ASAP2: variants seen among roughly 807,000 people sequenced by gnomAD.
ASAP2 encodes ArfGAP with SH3 domain, ankyrin repeat and PH domain 2.
In ASAP2, 45 loss-of-function variants were observed where a neutral mutation model predicts 131.4. The ratio of observed to expected loss-of-function variants is 0.34; its 90% CI spans 0.27 to 0.44. The LOEUF (loss-of-function observed/expected upper bound fraction) is 0.44. Among genes scored for constraint, ASAP2 ranks in the 20% least tolerant of loss-of-function variants. The pLI is 1.00. For synonymous variants in ASAP2, 510 were observed against 503.0 expected (o/e 1.01, Z -0.19); for missense variants, 1,011 against 1,297.0 (o/e 0.78, Z 3.39).
At chr2:9,318,083 T>A (rs1669919061) in intron 3 of ASAP2, among the ~76,000 whole-genome samples, 1 of 152,148 alleles carries the variant, frequency 6.6e-6, no homozygotes, top group African/African-American at 2.4e-5. Flanking sequence ...TTTCCCCTGC[T>A]TGGAGCTTGC....
chr2:9,376,832 C>T (rs765494183), intron 17 of ASAP2, 76 bp from the exon 18 acceptor site: 13 of 1,313,624 alleles, frequency 9.9e-6, no homozygotes, highest in Non-Finnish European at 1.4e-5. Context: ...AAGAGTTGTA[C>T]ACGATTTCAC....
chr2:9,393,489 G>A lies in ASAP2; in HGVS notation c.2526G>A (p.Leu842=), dbSNP rs775088308. The change falls in exon 24 of 28, where the codon CTG becomes CTA. Residue 842 remains leucine, a synonymous_variant. Transcript: ENST00000281419. ...PPLRVTSTNP[L]TPTPPPPVAK... ...TCTCCCTGTCCTCCGCAGATCCCCT[G>A]ACCCCCACGCCGCCCCCACCCGTTG... 2 of 1,605,706 alleles carry A rather than the reference G, an allele frequency of 1.2e-6. No individual in the cohort carries two copies. Among genetic ancestry groups the A allele is most frequent in the African/African-American group, 2.7e-5 (2 of 74,730 alleles).
chr2:9,393,649 T>C lies in ASAP2; in HGVS notation c.2684+2T>C. ...CCCGCAGAAGAAGCCTGCGCCGGGG[T>C]AAGCCACCCCCAGCCAGCTCGGCCA... On this transcript the variant is annotated splice_donor_variant, in intron 24 of 27. Coordinates refer to ENST00000281419, the MANE Select transcript of ASAP2 (RefSeq NM_003887.3). LOFTEE classifies it high-confidence loss of function. The C allele has an allele frequency of 6.4e-7, 1 of 1,564,884 alleles. No homozygotes were observed. The highest frequency in any genetic ancestry group is 8.6e-7 in the Non-Finnish European group (1 of 1,159,734).
intron 1 of ASAP2, among the ~76,000 whole-genome samples, chr2:9,225,313 C>T (rs1269208962): frequency 6.6e-6 from 1 of 152,104 alleles, no homozygotes; most frequent in Non-Finnish European, 1.5e-5. Flanking sequence ...CTCAGCTAGG[C>T]CAGAATACTG....
chr2:9,217,025 A>AT lies in ASAP2; in HGVS notation c.126+9795_126+9796insT, dbSNP rs1662100811. 6.6e-6 allele frequency among the ~76,000 whole-genome samples: 1 copy of AT among 152,212 alleles called. No homozygotes were observed. The highest frequency in any genetic ancestry group is 1.5e-5 in the Non-Finnish European group (1 of 68,024). ...AAATGCTATAGGGGCCAGCAAAATT[A>AT]GGCCACGGTACCAAGTTCATGGAGC... is the stretch of plus-strand genomic sequence containing the variant. On this transcript the variant is annotated intron_variant, in intron 1 of 27. Transcript: ENST00000281419. The surrounding 1 kb of genome is among the most constrained non-coding windows in gnomAD (Gnocchi z 4.0).
chr2:9,391,337 C>A, intron 23 of ASAP2, 141 bp downstream of exon 23: 1 of 1,228,006 alleles, frequency 8.1e-7, no homozygotes, highest in Non-Finnish European at 1.1e-6. Flanking sequence ...GGCTCTTGTG[C>A]AGGGCTCTCA....
chr2:9,363,981 A>G (rs1002448315), intron 15 of ASAP2, among the ~76,000 whole-genome samples: 1 of 152,220 alleles, frequency 6.6e-6, no homozygotes, highest in African/African-American at 2.4e-5. Context: ...TAATATCTTT[A>G]GATTCTAAAG....
At chr2:9,302,425 C>T (rs868247522) in intron 3 of ASAP2, among the ~76,000 whole-genome samples, 32 of 151,294 alleles carry the variant, frequency 2.1e-4, no homozygotes, top group Middle Eastern at 6.9e-3. Context: ...CCCACCTCGG[C>T]CTCCCAAAGT....
At chr2:9,371,441 G>A (rs1411640917) in intron 16 of ASAP2, among the ~76,000 whole-genome samples, 2 of 152,186 alleles carry the variant, frequency 1.3e-5, no homozygotes, top group African/African-American at 2.4e-5. Flanking sequence ...ATGAATCAGC[G>A]AGTCAAACAA....
intron 7 of ASAP2, among the ~76,000 whole-genome samples, chr2:9,333,173 T>A (rs1472778850): frequency 1.3e-5 from 2 of 152,230 alleles, no homozygotes; most frequent in South Asian, 2.1e-4. Context: ...GAAACCCAGA[T>A]CACTTTTTAA....
intron 15 of ASAP2, among the ~76,000 whole-genome samples, chr2:9,365,775 C>T (rs1396326909): frequency 1.3e-5 from 2 of 152,232 alleles, no homozygotes; most frequent in East Asian, 3.9e-4. Context: ...TTCTTATTGA[C>T]TCATCGCTAC....
chr2:9,322,762 AG>A (rs1278394091), intron 5 of ASAP2, among the ~76,000 whole-genome samples: 8 of 152,156 alleles, frequency 5.3e-5, no homozygotes, highest in Non-Finnish European at 7.3e-5. Flanking sequence ...GAAGTCCAGG[AG>A]GAGAAACAGT....
At chr2:9,293,338 T>G (rs1187595483) in intron 2 of ASAP2, among the ~76,000 whole-genome samples, 1 of 152,194 alleles carries the variant, frequency 6.6e-6, no homozygotes, top group African/African-American at 2.4e-5. Flanking sequence ...ACTCAGATTC[T>G]TATTTTCCAA....
At chr2:9,349,010 T>G (rs1558354661) in intron 11 of ASAP2, among the ~76,000 whole-genome samples, 1 of 152,168 alleles carries the variant, frequency 6.6e-6, no homozygotes, top group African/African-American at 2.4e-5. Context: ...CTGTATAACC[T>G]CAACCAGATT....
chr2:9,252,676 G>A (rs942688123), intron 1 of ASAP2, among the ~76,000 whole-genome samples: 9 of 152,182 alleles, frequency 5.9e-5, no homozygotes, highest in Non-Finnish European at 1.3e-4. Flanking sequence ...AGCACTTAGG[G>A]AGGTTGAGGC....
At chr2:9,265,553 A>T (rs1362710447) in intron 1 of ASAP2, among the ~76,000 whole-genome samples, 1 of 152,256 alleles carries the variant, frequency 6.6e-6, no homozygotes. Flanking sequence ...ATTCATGTTA[A>T]TGATAGTTTA....
At position 9,266,425 on chromosome 2, in the gene ASAP2, G is replaced by A. The variant is rs539772756; in HGVS notation, c.127-12892G>A. On this transcript the variant is annotated intron_variant, in intron 1 of 27. Coordinates refer to ENST00000281419, the MANE Select transcript of ASAP2 (RefSeq NM_003887.3). ...GCCTTCCAAAGTGTTGGGGTTACAA[G>A]CATGAGCCACTGTGCCAGTTGCCTT... is the stretch of plus-strand genomic sequence containing the variant. Among the ~76,000 whole-genome samples the A allele has an allele frequency of 5.9e-5, 9 of 152,280 alleles. No homozygotes were observed. The South Asian group carries it at 1.7e-3, about 28-fold the overall frequency.
rs143417697 is a variant in ASAP2 at position 9,396,020 on chromosome 2, C to T, written c.2684+2373C>T. Among the ~76,000 whole-genome samples the T allele has an allele frequency of 1.7e-3, 264 of 152,182 alleles. 1 individual carries two copies. Among genetic ancestry groups the T allele is most frequent in the Non-Finnish European group, 3.1e-3 (214 of 68,008 alleles). On this transcript the variant is annotated intron_variant, in intron 24 of 27. Transcript: ENST00000281419. ...TGGTATCCCCCATCCAGACACCGTC[C>T]GTTTTGCCCTCTCCAAGAATAGAAG...
chr2:9,402,971 C>G (rs1019022883), intron 27 of ASAP2, among the ~76,000 whole-genome samples: 1 of 152,186 alleles, frequency 6.6e-6, no homozygotes, highest in Non-Finnish European at 1.5e-5. Context: ...GACAGCTGAC[C>G]TGTGTGCCTC....
Sources: gnomAD v4.1 joint callset for allele counts (sites outside exome capture counted in the v4.1 genomes callset) on GRCh38, gnomAD v4.1.1 for gene constraint, Gnocchi (gnomAD v3.1) non-coding constraint, MANE v1.5 for transcripts, NCBI Gene and HGNC (gene_info 2026-07-23, HGNC 2026-07-21) for gene names.